Variants in PCDH7 observed in about 807,000 individuals in gnomAD.
PCDH7 encodes the protein protocadherin-7.
In PCDH7, 17 loss-of-function variants were observed where a neutral mutation model predicts 58.9. That is an observed-to-expected ratio of 0.29 (90% CI 0.20 to 0.43). PCDH7 has a LOEUF of 0.43. PCDH7 is among the 20% of genes least tolerant of loss of function. The probability of loss-of-function intolerance (pLI) is 1.00; values close to 1 mark genes in which losing one functional copy is unlikely to be tolerated. For synonymous variants in PCDH7, 664 were observed against 616.4 expected (o/e 1.08, Z -1.14); for missense variants, 1,274 against 1,441.0 (o/e 0.88, Z 1.88).
intron 1 of PCDH7, among the ~76,000 whole-genome samples, chr4:30,780,582 A>G (rs866547083): frequency 1.3e-5 from 2 of 152,282 alleles, no homozygotes; most frequent in South Asian, 4.1e-4. Context: ...AGTATGGACC[A>G]AGAGAAAGAT....
At chr4:30,997,880 A>T (rs566786773) in intron 3 of PCDH7, among the ~76,000 whole-genome samples, 2 of 152,126 alleles carry the variant, frequency 1.3e-5, no homozygotes, top group African/African-American at 4.8e-5. Context: ...AAAGTACCCA[A>T]TATATAAAGT....
chr4:30,914,091 C>T (rs1742108598), intron 1 of PCDH7, among the ~76,000 whole-genome samples: 1 of 152,082 alleles, frequency 6.6e-6, no homozygotes, highest in Non-Finnish European at 1.5e-5. Flanking sequence ...AGATAGAGGA[C>T]CTCTCCCTTA....
intron 1 of PCDH7, among the ~76,000 whole-genome samples, chr4:30,758,940 G>GC (rs1553880707): frequency 0.34 from 41,806 of 124,248 alleles, 6,505 homozygotes; most frequent in African/African-American, 0.37. Flanking sequence ...TTGAAGAAGT[G>GC]TTTTTTTTTT....
chr4:30,887,337 G>T (rs1737959422), intron 1 of PCDH7, among the ~76,000 whole-genome samples: 1 of 152,120 alleles, frequency 6.6e-6, no homozygotes, highest in Non-Finnish European at 1.5e-5. Context: ...GACCAAAGCA[G>T]AAATCATCTG....
At chr4:31,089,319 T>C (rs1712914026) in intron 3 of PCDH7, among the ~76,000 whole-genome samples, 1 of 152,050 alleles carries the variant, frequency 6.6e-6, no homozygotes, top group Admixed American at 6.6e-5. Flanking sequence ...TTGTAATAAA[T>C]ACAGAAAAAA....
intron 3 of PCDH7, among the ~76,000 whole-genome samples, chr4:31,108,825 T>C (rs1715928024): frequency 6.6e-6 from 1 of 152,154 alleles, no homozygotes; most frequent in Non-Finnish European, 1.5e-5. Context: ...TATCAGCCAT[T>C]GCTGTGCAAC....
At chr4:31,040,890 A>G (rs1436553077) in intron 3 of PCDH7, among the ~76,000 whole-genome samples, 1 of 151,912 alleles carries the variant, frequency 6.6e-6, no homozygotes, top group Non-Finnish European at 1.5e-5. Context: ...GCTTGCCACC[A>G]TTCAAATGAT....
At chr4:30,820,546 T>C (rs1728250390) in intron 1 of PCDH7, among the ~76,000 whole-genome samples, 1 of 152,072 alleles carries the variant, frequency 6.6e-6, no homozygotes, top group African/African-American at 2.4e-5. Context: ...TAGTAATGTA[T>C]TATTCTGATG....
At chr4:30,802,832 A>T (rs1725695333) in intron 1 of PCDH7, among the ~76,000 whole-genome samples, 1 of 152,114 alleles carries the variant, frequency 6.6e-6, no homozygotes, top group Non-Finnish European at 1.5e-5. Flanking sequence ...GGTTCAGCTG[A>T]CATCGGAAAT....
At chr4:31,062,019 C>A (rs1464108028) in intron 3 of PCDH7, among the ~76,000 whole-genome samples, 3 of 151,674 alleles carry the variant, frequency 2.0e-5, no homozygotes, top group Non-Finnish European at 4.4e-5. Flanking sequence ...TAGAACCATA[C>A]ACAAGGGAGA....
intron 2 of PCDH7, among the ~76,000 whole-genome samples, chr4:30,931,234 T>G (rs1744538984): frequency 6.6e-6 from 1 of 152,122 alleles, no homozygotes; most frequent in African/African-American, 2.4e-5. Flanking sequence ...CTTCTGGAAT[T>G]ATCCTTCCAT....
At chr4:30,961,144 T>C (rs1380088749) in intron 3 of PCDH7, among the ~76,000 whole-genome samples, 1 of 152,144 alleles carries the variant, frequency 6.6e-6, no homozygotes, top group Non-Finnish European at 1.5e-5. Context: ...TGGGAATGTG[T>C]GTAAAGTGCT....
chr4:31,003,621 T>C (rs747713421), intron 3 of PCDH7, among the ~76,000 whole-genome samples: 1 of 152,012 alleles, frequency 6.6e-6, no homozygotes, highest in Non-Finnish European at 1.5e-5. Flanking sequence ...AAGGTTCCGA[T>C]TTGGGGCCAG....
chr4:30,888,057 G>A (rs1429362285), intron 1 of PCDH7, among the ~76,000 whole-genome samples: 5 of 151,946 alleles, frequency 3.3e-5, no homozygotes, highest in Non-Finnish European at 5.9e-5. Flanking sequence ...TGTATTTTTA[G>A]TAGAGACGGG....
chr4:30,828,607 G>A (rs569519864), intron 1 of PCDH7, among the ~76,000 whole-genome samples: 1 of 151,976 alleles, frequency 6.6e-6, no homozygotes, highest in Non-Finnish European at 1.5e-5. Flanking sequence ...AAACCTGCAT[G>A]TTTTTCTGAA....
intron 1 of PCDH7, among the ~76,000 whole-genome samples, chr4:30,737,999 G>A (rs543763472): frequency 7.9e-5 from 12 of 152,246 alleles, no homozygotes; most frequent in African/African-American, 2.9e-4. Flanking sequence ...CTTACTGGCT[G>A]TAGGTCTCTG....
At chr4:31,127,718 T>C (rs1339123684) in intron 3 of PCDH7, among the ~76,000 whole-genome samples, 1 of 152,132 alleles carries the variant, frequency 6.6e-6, no homozygotes, top group Non-Finnish European at 1.5e-5. Context: ...CTTTGAGTTA[T>C]CTGAATTATT....
intron 1 of PCDH7, among the ~76,000 whole-genome samples, chr4:30,848,776 G>C (rs1732328219): frequency 1.3e-5 from 2 of 151,986 alleles, no homozygotes; most frequent in African/African-American, 4.8e-5. Flanking sequence ...ATTTTAGGAT[G>C]TTTCATGGTA....
chr4:30,774,771 C>G (rs891659029), intron 1 of PCDH7, among the ~76,000 whole-genome samples: 1 of 152,106 alleles, frequency 6.6e-6, no homozygotes, highest in Non-Finnish European at 1.5e-5. Context: ...GTATAGAACT[C>G]AGAGGCCGTC....
Sources: gnomAD v4.1 joint callset for allele counts (sites outside exome capture counted in the v4.1 genomes callset) on GRCh38, gnomAD v4.1.1 for gene constraint, MANE v1.5 for transcripts, NCBI Gene and HGNC (gene_info 2026-07-23, HGNC 2026-07-21) for gene names.